The following COX7B2 variants were observed in gnomAD, a reference collection of about 807,000 sequenced individuals.
The protein encoded by COX7B2 is cytochrome c oxidase subunit 7B2, also known as cytochrome c oxidase subunit 7B2, mitochondrial.
For missense variants in COX7B2, 109 were observed against 95.9 expected, an observed-to-expected ratio of 1.14 and a Z score of -0.57; for synonymous variants, 37 against 32.1, an observed-to-expected ratio of 1.15 and a Z score of -0.51.
intron 1 of COX7B2, among the ~76,000 whole-genome samples, chr4:46,895,746 C>T (rs10020566): frequency 0.24 from 36,893 of 151,926 alleles, 4,680 homozygotes; most frequent in East Asian, 0.29. Context: ...TTAATTTATA[C>T]ACATTGTTTT....
At chr4:46,742,499 A>C (rs1408567122) in intron 2 of COX7B2, among the ~76,000 whole-genome samples, 2 of 152,162 alleles carry the variant, frequency 1.3e-5, no homozygotes, top group Non-Finnish European at 2.9e-5. Context: ...ATAACAGGAA[A>C]TATGGGAACT....
chr4:46,787,461 T>A lies in COX7B2; in HGVS notation c.-49-52220A>T, dbSNP rs1474401740. On this transcript the variant is annotated intron_variant, in intron 2 of 2. Transcript: ENST00000355591. ...AGACTCTGTCTCAAATAAAAAAAAA[T>A]AAAAAAAAAAGATACATGTGACAGC... Among the ~76,000 whole-genome samples the A allele has an allele frequency of 1.2e-3, 179 of 146,604 alleles. 1 individual carries two copies. The highest frequency in any genetic ancestry group is 4.1e-3 in the African/African-American group (164 of 39,946).
At chr4:46,873,076 G>T (rs2109828465) in intron 1 of COX7B2, among the ~76,000 whole-genome samples, 1 of 148,868 alleles carries the variant, frequency 6.7e-6, no homozygotes, top group East Asian at 2.0e-4. Context: ...TGCAGTGTTT[G>T]GTTTTCTGTT....
At chr4:46,905,031 G>A (rs959354740) in intron 1 of COX7B2, among the ~76,000 whole-genome samples, 20 of 152,030 alleles carry the variant, frequency 1.3e-4, no homozygotes. Context: ...AAACCTTTTC[G>A]AGCCTATTTT....
chr4:46,816,275 T>C (rs1002286420), intron 2 of COX7B2, among the ~76,000 whole-genome samples: 1 of 152,212 alleles, frequency 6.6e-6, no homozygotes. Flanking sequence ...TTCTTTGCCA[T>C]CGTTAACATA....
intron 1 of COX7B2, among the ~76,000 whole-genome samples, chr4:46,853,341 C>T (rs1002918991): frequency 3.9e-5 from 6 of 152,128 alleles, no homozygotes; most frequent in Admixed American, 6.6e-5. Context: ...AACCCTTCCT[C>T]TTTTTCTTAT....
At position 46,803,594 on chromosome 4, in the gene COX7B2, A is replaced by G. The variant is rs543377764; in HGVS notation, c.-50+41366T>C. Among the ~76,000 whole-genome samples, 10 of 152,162 alleles carry G rather than the reference A, an allele frequency of 6.6e-5. No individual in the cohort carries two copies. In the South Asian group the frequency reaches 2.1e-3, roughly 32 times the overall value. On this transcript the variant is annotated intron_variant, in intron 2 of 2. Coordinates refer to ENST00000355591, the MANE Select transcript of COX7B2 (RefSeq NM_130902.3). ...TACACTTTCTCCCAGTTTCCCTCCA[A>G]AAGTGTTTAGCATATATTTATAAAC... is the stretch of plus-strand genomic sequence containing the variant.
intron 2 of COX7B2, among the ~76,000 whole-genome samples, chr4:46,832,371 G>A (rs1296925909): frequency 6.6e-6 from 1 of 152,126 alleles, no homozygotes; most frequent in Non-Finnish European, 1.5e-5. Flanking sequence ...AGGGTACACA[G>A]CTTCATTCTT....
At chr4:46,870,208 C>G (rs1370185798) in intron 1 of COX7B2, among the ~76,000 whole-genome samples, 1 of 151,648 alleles carries the variant, frequency 6.6e-6, no homozygotes, top group East Asian at 1.9e-4. Flanking sequence ...TGTGATTAAT[C>G]ACATAAAAAA....
chr4:46,807,985 A>G (rs1030253532), intron 2 of COX7B2, among the ~76,000 whole-genome samples: 1 of 151,826 alleles, frequency 6.6e-6, no homozygotes, highest in African/African-American at 2.4e-5. Context: ...TTTCTTTCTC[A>G]GAATTGCTTT....
chr4:46,898,371 A>G (rs1329093213), intron 1 of COX7B2, among the ~76,000 whole-genome samples: 1 of 152,146 alleles, frequency 6.6e-6, no homozygotes, highest in East Asian at 1.9e-4. Context: ...AAATTATTCC[A>G]GTATTTCCCT....
chr4:46,742,366 T>TAA (rs1250652548), intron 2 of COX7B2, among the ~76,000 whole-genome samples: 4 of 152,110 alleles, frequency 2.6e-5, no homozygotes, highest in Non-Finnish European at 5.9e-5. Context: ...GAAATGCACA[T>TAA]AACCTGCAGT....
chr4:46,845,686 A>G (rs1049398871), intron 1 of COX7B2, among the ~76,000 whole-genome samples: 1 of 152,010 alleles, frequency 6.6e-6, no homozygotes, highest in Non-Finnish European at 1.5e-5. Context: ...AAAGAAAAAC[A>G]GTCCACAGAA....
chr4:46,754,728 G>GTATATATATATATATATA (rs56248005), intron 2 of COX7B2, among the ~76,000 whole-genome samples: 867 of 39,800 alleles, frequency 0.022, 67 homozygotes, highest in Non-Finnish European at 0.028. Context: ...GTGTGTGTGT[G>GTATATATATATATATATA]TATATATATA....
chr4:46,774,790 A>G (rs1717065719), intron 2 of COX7B2, among the ~76,000 whole-genome samples: 1 of 152,046 alleles, frequency 6.6e-6, no homozygotes, highest in Non-Finnish European at 1.5e-5. Context: ...TCTTGGAATG[A>G]AGGAATAACT....
At chr4:46,799,016 G>T (rs1218619570) in intron 2 of COX7B2, among the ~76,000 whole-genome samples, 4 of 152,078 alleles carry the variant, frequency 2.6e-5, no homozygotes, top group African/African-American at 9.7e-5. Context: ...TATTAACACA[G>T]AAGTATTGGG....
At chr4:46,899,710 A>T (rs1473464887) in intron 1 of COX7B2, among the ~76,000 whole-genome samples, 5 of 152,342 alleles carry the variant, frequency 3.3e-5, no homozygotes. Context: ...TTTCATAAAT[A>T]AAATAAATAA....
At chr4:46,736,533 A>C (rs932502972) in intron 2 of COX7B2, among the ~76,000 whole-genome samples, 2 of 152,100 alleles carry the variant, frequency 1.3e-5, no homozygotes, top group Admixed American at 6.6e-5. Flanking sequence ...AAAAGTTTCA[A>C]GCTTCTTAAC....
chr4:46,764,438 G>A lies in COX7B2; in HGVS notation c.-49-29197C>T, dbSNP rs368939065. On this transcript the variant is annotated intron_variant, in intron 2 of 2. Transcript: ENST00000355591. ...TGGGTGCCTGTAATCCCAGCTACTCGGGGCTGAGGCAGGAGAACTGCTTTA... is the reference window on the plus strand; with the variant it reads ...TGGGTGCCTGTAATCCCAGCTACTCAGGGCTGAGGCAGGAGAACTGCTTTA... Among the ~76,000 whole-genome samples, 14 of 152,104 alleles carry A rather than the reference G, an allele frequency of 9.2e-5. No homozygotes were observed. In the South Asian group the frequency reaches 1.5e-3, roughly 16 times the overall value.
Sources: allele counts gnomAD v4.1 joint callset (sites outside exome capture counted in the v4.1 genomes callset), GRCh38; gene constraint gnomAD v4.1.1; transcripts MANE v1.5; gene names NCBI Gene and HGNC (gene_info 2026-07-23, HGNC 2026-07-21).